LRP1B: variants seen among roughly 807,000 people sequenced by gnomAD.
LRP1B encodes the protein low-density lipoprotein receptor-related protein 1B.
LRP1B carries 217 observed loss-of-function variants against 556.6 expected under a neutral mutation model. That is an observed-to-expected ratio of 0.39 (90% CI 0.35 to 0.44). The LOEUF (loss-of-function observed/expected upper bound fraction) is 0.44, where lower values mean the gene tolerates loss of function less well. Ranked by LOEUF, LRP1B falls within the 20% of genes least tolerant of loss-of-function variation. LRP1B has a pLI of 1.00. For missense variants in LRP1B, 5,053 were observed against 5,620.8 expected (o/e 0.90, Z 3.23); for synonymous variants, 2,047 against 1,865.8 (o/e 1.10, Z -2.50).
At chr2:141,145,468 A>G (rs984178396) in intron 7 of LRP1B, among the ~76,000 whole-genome samples, 4 of 152,238 alleles carry the variant, frequency 2.6e-5, no homozygotes, top group African/African-American at 9.6e-5. Context: ...AGTAAATTTA[A>G]CAGTGTTGGT....
chr2:140,886,746 C>T (rs1255501092), intron 23 of LRP1B, among the ~76,000 whole-genome samples: 1 of 151,890 alleles, frequency 6.6e-6, no homozygotes, highest in East Asian at 1.9e-4. Flanking sequence ...ACTAACAGAT[C>T]CATAGAGGAG....
rs1401974821 is a variant in LRP1B at position 141,854,031 on chromosome 2, A to G, written c.83-43630T>C. Among the ~76,000 whole-genome samples the G allele has an allele frequency of 2.0e-5, 3 of 151,956 alleles. No individual in the cohort carries two copies. The East Asian group carries it at 5.8e-4, about 29-fold the overall frequency. ...CAGGTTATTTATGGGATAATACAAGAAAATTAAATTTATTATTCTGTAAAG... is the reference window on the plus strand; with the variant it reads ...CAGGTTATTTATGGGATAATACAAGGAAATTAAATTTATTATTCTGTAAAG... On this transcript the variant is annotated intron_variant, in intron 1 of 90. Coordinates refer to ENST00000389484, the MANE Select transcript of LRP1B (RefSeq NM_018557.3).
chr2:141,797,500 G>T (rs1269849161), intron 2 of LRP1B, among the ~76,000 whole-genome samples: 3 of 151,874 alleles, frequency 2.0e-5, no homozygotes. Flanking sequence ...TTCAAAAAGT[G>T]CAAAGTTCAA....
chr2:141,711,106 C>T (rs542392050), intron 2 of LRP1B, among the ~76,000 whole-genome samples: 1 of 152,220 alleles, frequency 6.6e-6, no homozygotes, highest in South Asian at 2.1e-4. Context: ...CTGTCAGTTC[C>T]CCTAATTTTA....
In LRP1B at chr2:140,501,935, G is replaced by C. The variant is rs375744307; in HGVS notation, c.8663-61C>G. On this transcript the variant is annotated intron_variant, in intron 54 of 90. Transcript: ENST00000389484. ...CATGCCATTGTTTTATACTACAGTT[G>C]TTGAAAACATTCACAAATATCATTA... The C allele has an allele frequency of 1.1e-5, 13 of 1,177,642 alleles. No individual in the cohort carries two copies. The East Asian group carries it at 2.8e-4, about 25-fold the overall frequency. The allele number at this position is 1,177,642 out of a possible 1,614,324, so 72.9% of individuals were successfully genotyped here.
At position 140,373,072 on chromosome 2, in the gene LRP1B, T is replaced by C; in HGVS notation, c.10704A>G (p.Ala3568=). 1 of 1,613,548 alleles carries C rather than the reference T, an allele frequency of 6.2e-7. No homozygotes were observed. Residue 3568 remains alanine (A), a synonymous_variant, in exon 69 of 91, where the codon GCA becomes GCG. Coordinates refer to ENST00000389484, the MANE Select transcript of LRP1B (RefSeq NM_018557.3). The part of the protein sequence containing the change: ...FRCSNGQCIP[A]KWKCDGHEDC... ...CTTCATGGCCATCACATTTCCATTT[T>C]GCTGGTATACACTGACCATTGGAAC...
In LRP1B at chr2:141,229,425, G is replaced by T. The variant is rs1558947522; in HGVS notation, c.608C>A (p.Pro203Gln). 6.3e-7 allele frequency: 1 copy of T among 1,576,082 alleles called. No homozygotes were observed. Among genetic ancestry groups the T allele is most frequent in the South Asian group, 1.1e-5 (1 of 88,974 alleles). ...CKAKIEPTDR[P>Q]PILLIANFET... ...AAAATTTGCAATTAATAGTATAGGT[G>T]GTCTATCTGTAGGTTCTGGAATAAA... The change falls in exon 6 of 91, where the codon CCA becomes CAA. Residue 203 changes from proline (P) to glutamine (Q), a missense_variant. Pro to Gln is a moderately conservative substitution (Grantham distance 76). Around this residue, in one of 5 missense-constraint regions of LRP1B, gnomAD observed 3,619 missense variants for 3,931.9 expected, o/e 0.92. Transcript: ENST00000389484.
At chr2:141,800,339 T>C (rs570790037) in intron 2 of LRP1B, among the ~76,000 whole-genome samples, 1 of 152,360 alleles carries the variant, frequency 6.6e-6, no homozygotes, top group South Asian at 2.1e-4. Flanking sequence ...GGTAGCTCTA[T>C]CACTTAATTA....
intron 65 of LRP1B, 95 bp downstream of exon 65, chr2:140,444,235 C>T: frequency 7.7e-7 from 1 of 1,303,626 alleles, no homozygotes; most frequent in Non-Finnish European, 1.1e-6. Flanking sequence ...TTCAATTTAT[C>T]TACATCATAT....
At chr2:142,031,682 C>T (rs1242654709) in intron 1 of LRP1B, among the ~76,000 whole-genome samples, 7 of 151,460 alleles carry the variant, frequency 4.6e-5, no homozygotes, top group South Asian at 2.1e-4. Context: ...TCCCATTTCC[C>T]GCAGCTGCCT....
At chr2:140,319,816 TC>T (rs1680003276) in intron 82 of LRP1B, among the ~76,000 whole-genome samples, 2 of 152,164 alleles carry the variant, frequency 1.3e-5, no homozygotes, top group Admixed American at 1.3e-4. Context: ...TAACAGCTAC[TC>T]TGACTGGGAG....
chr2:141,553,845 T>A (rs1056321148), intron 2 of LRP1B, among the ~76,000 whole-genome samples: 15 of 137,480 alleles, frequency 1.1e-4, no homozygotes, highest in South Asian at 4.3e-4. Context: ...TATATCTATA[T>A]TAATATAGTT....
chr2:140,945,060 A>G (rs1299173146), intron 20 of LRP1B, among the ~76,000 whole-genome samples: 2 of 152,174 alleles, frequency 1.3e-5, no homozygotes, highest in Non-Finnish European at 2.9e-5. Context: ...AAATTTCAGG[A>G]TACAAAGGCA....
chr2:141,930,677 C>T (rs2104993785), intron 1 of LRP1B, among the ~76,000 whole-genome samples: 1 of 152,000 alleles, frequency 6.6e-6, no homozygotes, highest in East Asian at 1.9e-4. Flanking sequence ...AGATTTAGAC[C>T]AATTTGGCTA....
intron 35 of LRP1B, among the ~76,000 whole-genome samples, chr2:140,748,290 G>A (rs1453427511): frequency 3.4e-5 from 4 of 118,540 alleles, no homozygotes; most frequent in Non-Finnish European, 5.2e-5. Context: ...GTTCATATAT[G>A]TATATATATT....
chr2:141,668,339 G>C (rs1690523327), intron 2 of LRP1B, among the ~76,000 whole-genome samples: 1 of 152,094 alleles, frequency 6.6e-6, no homozygotes, highest in South Asian at 2.1e-4. Context: ...GCCTGGAATG[G>C]GAACAGGTCC....
At chr2:140,377,321 C>G (rs12992207) in intron 68 of LRP1B, among the ~76,000 whole-genome samples, 3 of 152,018 alleles carry the variant, frequency 2.0e-5, no homozygotes, top group Non-Finnish European at 4.4e-5. Context: ...GTGATCCACC[C>G]GCCTCGGCCT....
At chr2:140,669,215 T>C (rs1047801861) in intron 41 of LRP1B, among the ~76,000 whole-genome samples, 2 of 152,192 alleles carry the variant, frequency 1.3e-5, no homozygotes, top group African/African-American at 4.8e-5. Context: ...ATACCTGTTA[T>C]CTGGCTCTTA....
chr2:140,832,308 T>A (rs75236711), intron 31 of LRP1B, among the ~76,000 whole-genome samples: 4 of 152,054 alleles, frequency 2.6e-5, no homozygotes, highest in Non-Finnish European at 5.9e-5. Context: ...CAATCCCCCA[T>A]GTATACTGAG....
Sources: allele counts gnomAD v4.1 joint callset (sites outside exome capture counted in the v4.1 genomes callset), GRCh38; gene constraint gnomAD v4.1.1; regional missense constraint gnomAD v4.1.1; transcripts MANE v1.5; gene names NCBI Gene and HGNC (gene_info 2026-07-23, HGNC 2026-07-21).